Variants in PRRC2C observed in about 807,000 individuals in gnomAD.
PRRC2C encodes proline rich coiled-coil 2C, also known as protein PRRC2C.
In PRRC2C, 72 loss-of-function variants were observed where a neutral mutation model predicts 317.2. The observed-to-expected ratio is 0.23, with a 90% CI of 0.19 to 0.28. PRRC2C has a LOEUF of 0.28. Among genes scored for constraint, PRRC2C ranks in the 10% least tolerant of loss-of-function variants. The probability of loss-of-function intolerance (pLI) is 1.00; values close to 1 mark genes in which losing one functional copy is unlikely to be tolerated. For missense variants in PRRC2C, 3,074 were observed against 3,459.7 expected (o/e 0.89, Z 2.80); for synonymous variants, 1,296 against 1,205.9 (o/e 1.07, Z -1.55).
intron 1 of PRRC2C, among the ~76,000 whole-genome samples, chr1:171,491,346 T>C (rs1667110170): frequency 6.6e-6 from 1 of 152,208 alleles, no homozygotes; most frequent in African/African-American, 2.4e-5. Context: ...GATGCTGGAC[T>C]GAAGGAAGCA....
chr1:171,566,304 A>G lies in PRRC2C; in HGVS notation c.6189A>G (p.Ser2063=). ...TDTIQFGAPA[S]NGNENEVVPV... ...CAATTCAGTTTGGTGCTCCAGCCTC[A>G]AATGGAAATGAAAATGAAGTTGTTC... The change falls in exon 21 of 35, where the codon TCA becomes TCG. Residue 2063 remains serine (S), a synonymous_variant. Transcript: ENST00000647382. 1 of 1,609,242 alleles carries G rather than the reference A, an allele frequency of 6.2e-7. No individual in the cohort carries two copies. Among genetic ancestry groups the G allele is most frequent in the Non-Finnish European group, 8.5e-7 (1 of 1,177,700 alleles).
chr1:171,520,374 C>G (rs1341035600), intron 6 of PRRC2C, among the ~76,000 whole-genome samples: 1 of 152,130 alleles, frequency 6.6e-6, no homozygotes, highest in Non-Finnish European at 1.5e-5. Flanking sequence ...ACCAAAGACC[C>G]CTGAACTTTC....
chr1:171,582,573 T>C (rs1251869261), intron 28 of PRRC2C, among the ~76,000 whole-genome samples: 2 of 152,186 alleles, frequency 1.3e-5, no homozygotes, highest in Admixed American at 6.5e-5. Flanking sequence ...AATTAGGCTA[T>C]AAACCCGTGC....
In PRRC2C at chr1:171,589,386, C is replaced by T. The variant is rs1162149430; in HGVS notation, c.8217C>T (p.Asn2739=). ...QFAPQILSQP[N]LVPPLVRAPH... is the part of the protein sequence containing the mutation. ...TCACTCAGATTCTCTCCCAGCCTAA[C>T]CTGGTCCCTCCATTGGTAAGAGCCC... Residue 2739 remains asparagine (N), a synonymous_variant, in exon 34 of 35, where the codon AAC becomes AAT. Transcript: ENST00000647382. 7.8e-7 allele frequency: 1 copy of T among 1,286,198 alleles called. No homozygotes were observed. The highest frequency in any genetic ancestry group is 5.6e-5 in the East Asian group (1 of 17,878). The allele number at this position is 1,286,198 out of a possible 1,614,324, so 79.7% of individuals were successfully genotyped here. A position where few individuals can be genotyped will look rare whatever the true frequency, so the allele number is the denominator to read the frequency against.
chr1:171,537,122 A>G (rs2272809), intron 14 of PRRC2C, 141 bp from the exon 15 acceptor site: 519,615 of 631,008 alleles, frequency 0.82, 214,496 homozygotes, highest in East Asian at 0.9. Flanking sequence ...ATTTCCACCA[A>G]TCTTTTACTC....
intron 18 of PRRC2C, among the ~76,000 whole-genome samples, chr1:171,555,511 C>T (rs1205351404): frequency 2.0e-5 from 3 of 152,264 alleles, no homozygotes; most frequent in Admixed American, 6.5e-5. Flanking sequence ...CCGTTGCTGG[C>T]GAGGAGCTGT....
intron 20 of PRRC2C, among the ~76,000 whole-genome samples, chr1:171,562,573 A>C (rs1327774380): frequency 1.3e-5 from 2 of 152,254 alleles, no homozygotes; most frequent in East Asian, 3.8e-4. Context: ...GATTGAGCTG[A>C]CAAGATTTAC....
At chr1:171,575,591 G>GT (rs539244235) in intron 25 of PRRC2C, among the ~76,000 whole-genome samples, 25 of 152,192 alleles carry the variant, frequency 1.6e-4, no homozygotes, top group African/African-American at 5.3e-4. Context: ...GTTTTATTTT[G>GT]TTTTTTAGGA....
intron 33 of PRRC2C, among the ~76,000 whole-genome samples, chr1:171,589,138 C>G (rs1038989932): frequency 1.3e-5 from 2 of 152,134 alleles, no homozygotes; most frequent in Admixed American, 1.3e-4. Context: ...GATGCTAGGA[C>G]CAACTGAAGT....
intron 20 of PRRC2C, among the ~76,000 whole-genome samples, chr1:171,564,688 T>G (rs1432680250): frequency 6.6e-6 from 1 of 152,202 alleles, no homozygotes; most frequent in Non-Finnish European, 1.5e-5. Flanking sequence ...CCTATACAGC[T>G]TATTACTACA....
At chr1:171,555,047 G>A (rs578258921) in intron 18 of PRRC2C, among the ~76,000 whole-genome samples, 4 of 152,084 alleles carry the variant, frequency 2.6e-5, no homozygotes, top group South Asian at 2.1e-4. Context: ...GATAATATCC[G>A]GAAGAATGTT....
rs952411355 is a variant in PRRC2C at position 171,560,570 on chromosome 1, C to T, written c.6032-448C>T. 3.3e-5 allele frequency among the ~76,000 whole-genome samples: 5 copies of T among 152,330 alleles called. No individual in the cohort carries two copies. The South Asian group carries it at 8.3e-4, about 25-fold the overall frequency. On this transcript the variant is annotated intron_variant, in intron 19 of 34. Transcript: ENST00000647382. ...AGCAAACACCATCCTAGTCAGTTAG[C>T]AGCCATCAACATCTCCACTGGCAAG...
chr1:171,588,330 A>AT (rs1558061121), intron 32 of PRRC2C, 49 bp from the exon 33 acceptor site: 10 of 1,586,050 alleles, frequency 6.3e-6, no homozygotes, highest in Admixed American at 3.7e-5. Context: ...ATCTAACAGC[A>AT]TTATTTACTT....
chr1:171,557,511 CAGCTCCAGTTCCAGCCTCACCCTT>C lies in PRRC2C; in HGVS notation c.5410_5433del (p.Pro1804_Val1811del). 3 of 1,551,584 alleles carry C rather than the reference CAGCTCCAGTTCCAGCCTCACCCTT, an allele frequency of 1.9e-6. No individual in the cohort carries two copies. Among genetic ancestry groups the C allele is most frequent in the South Asian group, 1.2e-5 (1 of 84,056 alleles). ...TTAGCTCCAGTTCTGGCCTCAACCT[CAGCTCCAGTTCCAGCCTCACCCTT>C]AGCTCCAGTTTCAGCCTCAGCCTCA... On this transcript the variant is annotated inframe_deletion, in exon 19 of 35. Coordinates refer to ENST00000647382, the MANE Select transcript of PRRC2C (RefSeq NM_001387844.1).
intron 9 of PRRC2C, 62 bp from the exon 10 acceptor site, chr1:171,524,759 A>G: frequency 6.9e-7 from 1 of 1,442,964 alleles, no homozygotes; most frequent in Non-Finnish European, 9.2e-7. Context: ...AATTGCAAAA[A>G]TAATGTGTGT....
chr1:171,503,497 T>C (rs910463904), intron 1 of PRRC2C, among the ~76,000 whole-genome samples: 3 of 151,778 alleles, frequency 2.0e-5, no homozygotes, highest in Non-Finnish European at 2.9e-5. Flanking sequence ...GCACTCCAGC[T>C]TGAGCAACAG....
chr1:171,547,268 TA>T (rs1246000824), intron 17 of PRRC2C, among the ~76,000 whole-genome samples: 1 of 152,178 alleles, frequency 6.6e-6, no homozygotes, highest in African/African-American at 2.4e-5. Flanking sequence ...GTAATATCTC[TA>T]ACCTAAAATG....
At position 171,588,397 on chromosome 1, in the gene PRRC2C, G is replaced by A. The variant is rs541692570; in HGVS notation, c.8091G>A (p.Pro2697=). ...TTCCAAGGGCTACTTCTACAAGTCC[G>A]AACAGCCAGTCCAGCAAAATGAACA... is the stretch of plus-strand genomic sequence containing the variant. ...SSPFRATSTS[P]NSQSSKMNSI... The change falls in exon 33 of 35, where the codon CCG becomes CCA. Residue 2697 remains proline (P), a synonymous_variant. Transcript: ENST00000647382. 352 of 1,613,504 alleles carry A rather than the reference G, an allele frequency of 2.2e-4. No homozygotes were observed. Among genetic ancestry groups the A allele is most frequent in the Admixed American group, 3.2e-4 (19 of 59,950 alleles).
rs1170979519 is a variant in PRRC2C at position 171,490,991 on chromosome 1, A to ACATTTCCC, written c.-58+5257_-58+5258insATTTCCCC. Among the ~76,000 whole-genome samples the ACATTTCCC allele has an allele frequency of 3.9e-5, 6 of 152,330 alleles. No individual in the cohort carries two copies. In the East Asian group the frequency reaches 1.2e-3, roughly 29 times the overall value. ...ATATCCATTTCCCCTATCTCAGAGG[A>ACATTTCCC]CTATTGCAAAGAGTACATTTATGTA... On this transcript the variant is annotated intron_variant, in intron 1 of 34. Transcript: ENST00000647382.
Sources: allele counts gnomAD v4.1 joint callset (sites outside exome capture counted in the v4.1 genomes callset), GRCh38; gene constraint gnomAD v4.1.1; transcripts MANE v1.5; gene names NCBI Gene and HGNC (gene_info 2026-07-23, HGNC 2026-07-21).